The following CNTNAP2 variants were observed in gnomAD, a reference collection of about 807,000 sequenced individuals.
CNTNAP2 encodes the protein contactin associated protein 2.
Under a neutral mutation model 155.2 loss-of-function variants are expected in CNTNAP2, and 98 were observed. The ratio of observed to expected loss-of-function variants is 0.63; its 90% CI spans 0.54 to 0.75. The LOEUF (loss-of-function observed/expected upper bound fraction) is 0.75, where lower values mean the gene tolerates loss of function less well. CNTNAP2 is among the 30% of genes least tolerant of loss of function. The pLI, the probability that CNTNAP2 is intolerant of heterozygous loss-of-function variation, is 0.00. For missense variants in CNTNAP2, 1,727 were observed against 1,688.1 expected (o/e 1.02, Z -0.40); for synonymous variants, 651 against 631.2 (o/e 1.03, Z -0.47).
At chr7:147,432,952 C>T (rs1356577568) in intron 10 of CNTNAP2, among the ~76,000 whole-genome samples, 2 of 152,170 alleles carry the variant, frequency 1.3e-5, no homozygotes, top group Admixed American at 1.3e-4. Flanking sequence ...CACCCAATAG[C>T]CTTTAACAAG....
chr7:148,388,287 C>A, intron 22 of CNTNAP2, among the ~76,000 whole-genome samples: 1 of 120,284 alleles, frequency 8.3e-6, no homozygotes, highest in Non-Finnish European at 1.7e-5. Context: ...AGTGCTATCC[C>A]TCCCCCCTCC....
At chr7:146,198,427 A>G (rs1453389262) in intron 1 of CNTNAP2, among the ~76,000 whole-genome samples, 1 of 152,198 alleles carries the variant, frequency 6.6e-6, no homozygotes, top group Non-Finnish European at 1.5e-5. Flanking sequence ...AGAAAGCCCA[A>G]GTCCCAAAAT....
intron 1 of CNTNAP2, among the ~76,000 whole-genome samples, chr7:146,290,529 C>T (rs1301673125): frequency 6.6e-6 from 1 of 152,184 alleles, no homozygotes; most frequent in Non-Finnish European, 1.5e-5. Flanking sequence ...GCAGTGAAAA[C>T]ACTTTAAATT....
intron 1 of CNTNAP2, 137 bp downstream of exon 1, chr7:146,117,110 A>G: frequency 1.4e-6 from 1 of 731,746 alleles, no homozygotes; most frequent in Non-Finnish European, 2.4e-6. Flanking sequence ...ACACACTTGC[A>G]GCCACTGCAG....
chr7:146,411,465 G>T (rs1015254581), intron 1 of CNTNAP2, among the ~76,000 whole-genome samples: 2 of 151,924 alleles, frequency 1.3e-5, no homozygotes, highest in African/African-American at 4.8e-5. Context: ...TAATAGAGTA[G>T]ATTTTAAATG....
intron 15 of CNTNAP2, among the ~76,000 whole-genome samples, chr7:148,079,009 T>C (rs748564200): frequency 2.0e-5 from 3 of 152,226 alleles, no homozygotes; most frequent in Non-Finnish European, 4.4e-5. Context: ...TGGTGGTGTC[T>C]ACATCTTGAA....
At chr7:146,814,850 C>A (rs1485100920) in intron 2 of CNTNAP2, among the ~76,000 whole-genome samples, 1 of 152,100 alleles carries the variant, frequency 6.6e-6, no homozygotes, top group Non-Finnish European at 1.5e-5. Context: ...CAAATTGATT[C>A]CCCTAAGTCC....
intron 13 of CNTNAP2, among the ~76,000 whole-genome samples, chr7:147,838,706 C>A (rs1334630620): frequency 1.3e-5 from 2 of 152,206 alleles, no homozygotes; most frequent in African/African-American, 2.4e-5. Context: ...CTGTCCATAT[C>A]ATTATCAGCA....
chr7:148,171,116 G>C (rs1313354972), intron 17 of CNTNAP2, among the ~76,000 whole-genome samples: 1 of 152,108 alleles, frequency 6.6e-6, no homozygotes, highest in Non-Finnish European at 1.5e-5. Flanking sequence ...ACTTCTCCAA[G>C]CCTCAGTTTC....
rs182994938 is a variant in CNTNAP2 at position 147,583,684 on chromosome 7, G to C, written c.1897+21427G>C. Among the ~76,000 whole-genome samples, 308 of 151,816 alleles carry C rather than the reference G, an allele frequency of 2.0e-3. 1 individual carries two copies. The highest frequency in any genetic ancestry group is 6.6e-3 in the African/African-American group (275 of 41,380). On this transcript the variant is annotated intron_variant, in intron 12 of 23. Transcript: ENST00000361727. ...ATTCCTCACATGTCCACATTGTGGGGACACCAAAGTACTCACAGCATATTC... is the reference window on the plus strand; with the variant it reads ...ATTCCTCACATGTCCACATTGTGGGCACACCAAAGTACTCACAGCATATTC...
chr7:147,299,295 G>A (rs1477957022), intron 8 of CNTNAP2, among the ~76,000 whole-genome samples: 2 of 152,032 alleles, frequency 1.3e-5, no homozygotes. Flanking sequence ...TTCATAAAAT[G>A]AACACAAACT....
Position 147,451,786 on chromosome 7 carries a change from C to T in CNTNAP2, c.1671-34149C>T, listed in dbSNP as rs369598863. ...CTTCCAAAAAAAAAAAAAAAACTCA[C>T]ATTGAAATTTAATTGCCATTGTAAG... On this transcript the variant is annotated intron_variant, in intron 10 of 23. Coordinates refer to ENST00000361727, the MANE Select transcript of CNTNAP2 (RefSeq NM_014141.6). Among the ~76,000 whole-genome samples the T allele has an allele frequency of 5.4e-3, 807 of 149,660 alleles. 6 individuals are homozygous for T. The highest frequency in any genetic ancestry group is 0.019 in the African/African-American group (771 of 40,896).
At chr7:146,467,164 G>A (rs1164821696) in intron 1 of CNTNAP2, among the ~76,000 whole-genome samples, 3 of 152,084 alleles carry the variant, frequency 2.0e-5, no homozygotes, top group South Asian at 4.1e-4. Context: ...TTGAAAATTA[G>A]CGTGTTAATT....
At chr7:146,722,802 G>T (rs530514640) in intron 1 of CNTNAP2, among the ~76,000 whole-genome samples, 2 of 152,124 alleles carry the variant, frequency 1.3e-5, no homozygotes, top group South Asian at 4.1e-4. Flanking sequence ...GGATTACGAG[G>T]TCAGGAGTTC....
chr7:146,835,117 A>C (rs1803591269), intron 2 of CNTNAP2, among the ~76,000 whole-genome samples: 1 of 152,172 alleles, frequency 6.6e-6, no homozygotes, highest in South Asian at 2.1e-4. Flanking sequence ...CTTTCCTTAA[A>C]GTTAACAATA....
At chr7:147,453,851 C>T (rs1797875173) in intron 10 of CNTNAP2, among the ~76,000 whole-genome samples, 1 of 152,030 alleles carries the variant, frequency 6.6e-6, no homozygotes, top group South Asian at 2.1e-4. Context: ...GGAAATAAGG[C>T]CAAATTGTGG....
intron 18 of CNTNAP2, among the ~76,000 whole-genome samples, chr7:148,195,518 A>G (rs1795262698): frequency 1.3e-5 from 2 of 152,198 alleles, no homozygotes; most frequent in South Asian, 4.1e-4. Context: ...AACCTAAGCT[A>G]TAGCTAGCTT....
At chr7:147,405,402 A>C (rs1335032086) in intron 10 of CNTNAP2, among the ~76,000 whole-genome samples, 1 of 152,194 alleles carries the variant, frequency 6.6e-6, no homozygotes, top group Non-Finnish European at 1.5e-5. Context: ...GAATTCATTT[A>C]ACTGCTCTCC....
intron 1 of CNTNAP2, among the ~76,000 whole-genome samples, chr7:146,473,756 C>T (rs1283937886): frequency 6.6e-6 from 1 of 152,058 alleles, no homozygotes; most frequent in Non-Finnish European, 1.5e-5. Flanking sequence ...GTATGTTTTT[C>T]CCCCCATTTT....
Sources: allele counts gnomAD v4.1 joint callset (sites outside exome capture counted in the v4.1 genomes callset), GRCh38; gene constraint gnomAD v4.1.1; transcripts MANE v1.5; gene names NCBI Gene and HGNC (gene_info 2026-07-23, HGNC 2026-07-21).